NRCAM: variants seen among roughly 807,000 people sequenced by gnomAD.
The protein encoded by NRCAM is neuronal cell adhesion molecule.
A neutral mutation model predicts 156.5 loss-of-function variants in NRCAM; 83 were observed. That is an observed-to-expected ratio of 0.53 (90% CI 0.44 to 0.64). The LOEUF (loss-of-function observed/expected upper bound fraction) is 0.64. Among genes scored for constraint, NRCAM ranks in the 30% least tolerant of loss-of-function variants. NRCAM has a pLI of 0.00. For missense variants in NRCAM, 1,417 were observed against 1,597.3 expected, an observed-to-expected ratio of 0.89 and a Z score of 1.92; for synonymous variants, 538 against 563.9, an observed-to-expected ratio of 0.95 and a Z score of 0.65.
chr7:108,452,370 T>C (rs1042281036), intron 1 of NRCAM, among the ~76,000 whole-genome samples: 2 of 152,038 alleles, frequency 1.3e-5, no homozygotes, highest in Non-Finnish European at 2.9e-5. Flanking sequence ...ATTAAATGTA[T>C]ACAACTTTTA....
chr7:108,336,895 T>C (rs141131989), intron 2 of NRCAM, among the ~76,000 whole-genome samples: 3 of 152,174 alleles, frequency 2.0e-5, no homozygotes, highest in Admixed American at 6.5e-5. Context: ...TAGAAAATTC[T>C]TAAGAGTTCT....
intron 24 of NRCAM, 44 bp downstream of exon 24, chr7:108,181,778 C>T (rs376397382): frequency 5.7e-5 from 76 of 1,342,508 alleles, no homozygotes; most frequent in Non-Finnish European, 7.5e-5. Context: ...GCATTCGCTG[C>T]AGCCCTTACT....
rs551963748 is a variant in NRCAM, at chr7:108,455,197, GAC to G, written c.-332+1044_-332+1045del. On this transcript the variant is annotated intron_variant, in intron 1 of 32. Transcript: ENST00000379028. Reference sequence around the variant, plus strand: ...ACGACTCCCTTGCTCACCCTACTGCGACACCCCGTCCCCCTCCGCACTCTAGC... The same window carrying G: ...ACGACTCCCTTGCTCACCCTACTGCGACCCCGTCCCCCTCCGCACTCTAGC... 1.8e-4 allele frequency among the ~76,000 whole-genome samples: 28 copies of G among 152,212 alleles called. No homozygotes were observed. In the South Asian group the frequency reaches 4.1e-3, roughly 23 times the overall value.
intron 1 of NRCAM, among the ~76,000 whole-genome samples, chr7:108,417,697 G>A (rs922460962): frequency 1.3e-5 from 2 of 152,024 alleles, no homozygotes; most frequent in Admixed American, 1.3e-4. Flanking sequence ...TAAATCTCTG[G>A]ACACTAGGCA....
intron 1 of NRCAM, among the ~76,000 whole-genome samples, chr7:108,411,453 A>C (rs1452785625): frequency 6.6e-6 from 1 of 152,178 alleles, no homozygotes; most frequent in Non-Finnish European, 1.5e-5. Flanking sequence ...TGTTAATACT[A>C]TATGCTATTT....
intron 2 of NRCAM, among the ~76,000 whole-genome samples, chr7:108,349,816 C>A (rs1420098406): frequency 6.6e-6 from 1 of 152,180 alleles, no homozygotes; most frequent in Non-Finnish European, 1.5e-5. Context: ...TATCCCTACA[C>A]CGAGGTCATA....
At chr7:108,237,803 CAA>C in intron 4 of NRCAM, 34 bp from the exon 5 acceptor site, 1 of 1,554,422 alleles carries the variant, frequency 6.4e-7, no homozygotes, top group Non-Finnish European at 8.7e-7. Flanking sequence ...GGTAAGTGGG[CAA>C]AGAGGATTAA....
At chr7:108,168,607 A>G (rs1356405189) in intron 28 of NRCAM, among the ~76,000 whole-genome samples, 1 of 152,228 alleles carries the variant, frequency 6.6e-6, no homozygotes, top group East Asian at 1.9e-4. Context: ...ATAATCAGAA[A>G]TAATGACGCA....
chr7:108,377,108 G>A (rs1411453491), intron 2 of NRCAM, among the ~76,000 whole-genome samples: 1 of 152,162 alleles, frequency 6.6e-6, no homozygotes, highest in Admixed American at 6.5e-5. Context: ...AGGTTGCAGT[G>A]AGCCATGATC....
chr7:108,294,073 A>G (rs2098397885), intron 3 of NRCAM, among the ~76,000 whole-genome samples: 1 of 152,176 alleles, frequency 6.6e-6, no homozygotes, highest in African/African-American at 2.4e-5. Context: ...GGATAAAGAC[A>G]AAAGATTCTT....
At chr7:108,246,042 T>G (rs1213095537) in intron 3 of NRCAM, among the ~76,000 whole-genome samples, 1 of 152,228 alleles carries the variant, frequency 6.6e-6, no homozygotes, top group Non-Finnish European at 1.5e-5. Flanking sequence ...GCCAGCTATC[T>G]GATGACAGTT....
At chr7:108,266,906 C>CGCTTACAA (rs76398044) in intron 3 of NRCAM, among the ~76,000 whole-genome samples, 88,474 of 151,800 alleles carry the variant, frequency 0.58, 26,275 homozygotes, top group East Asian at 0.93. Context: ...GATTTTACCC[C>CGCTTACAA]GCTAACAAGT....
At chr7:108,176,371 T>TA (rs1433796457) in intron 27 of NRCAM, 59 bp downstream of exon 27, 1 of 1,485,798 alleles carries the variant, frequency 6.7e-7, no homozygotes. Flanking sequence ...AGCATAAACT[T>TA]AAAGATTTTT....
At chr7:108,217,678 C>G (rs1301990969) in intron 11 of NRCAM, among the ~76,000 whole-genome samples, 2 of 152,198 alleles carry the variant, frequency 1.3e-5, no homozygotes, top group Non-Finnish European at 2.9e-5. Flanking sequence ...CTGTGGTAGG[C>G]TCTGCCCAGT....
chr7:108,454,545 C>T (rs980841519), intron 1 of NRCAM, among the ~76,000 whole-genome samples: 5 of 152,200 alleles, frequency 3.3e-5, no homozygotes, highest in African/African-American at 1.2e-4. Flanking sequence ...AACCGGTTGG[C>T]TATCGTTACC....
At chr7:108,385,115 A>G (rs564068220) in intron 2 of NRCAM, among the ~76,000 whole-genome samples, 61 of 152,340 alleles carry the variant, frequency 4.0e-4, no homozygotes, top group African/African-American at 1.5e-3. Flanking sequence ...AAGTGTTGCA[A>G]CTTAAGGCGT....
intron 2 of NRCAM, among the ~76,000 whole-genome samples, chr7:108,333,634 C>T (rs17419000): frequency 0.25 from 37,794 of 151,854 alleles, 5,211 homozygotes; most frequent in Non-Finnish European, 0.3. Flanking sequence ...CCAGGCACTC[C>T]GATATATTTT....
intron 2 of NRCAM, among the ~76,000 whole-genome samples, chr7:108,325,889 A>G (rs1434965507): frequency 6.6e-6 from 1 of 152,124 alleles, no homozygotes; most frequent in Non-Finnish European, 1.5e-5. Context: ...CTAGATGCAT[A>G]GAACGTATCT....
chr7:108,248,187 G>T (rs1032903822), intron 3 of NRCAM, among the ~76,000 whole-genome samples: 7 of 151,950 alleles, frequency 4.6e-5, no homozygotes, highest in South Asian at 4.2e-4. Context: ...GGCCCTTCAG[G>T]ATATTGATAT....
Sources: allele counts gnomAD v4.1 joint callset (sites outside exome capture counted in the v4.1 genomes callset), GRCh38; gene constraint gnomAD v4.1.1; transcripts MANE v1.5; gene names NCBI Gene and HGNC (gene_info 2026-07-23, HGNC 2026-07-21).